NOL4L: variants seen among roughly 807,000 people sequenced by gnomAD.
NOL4L encodes nucleolar protein 4-like.
NOL4L carries 7 observed loss-of-function variants against 64.5 expected under a neutral mutation model. The ratio of observed to expected loss-of-function variants is 0.11; its 90% confidence interval spans 0.06 to 0.20. The LOEUF is 0.20. Ranked by LOEUF, NOL4L falls within the 10% of genes least tolerant of loss-of-function variation. The pLI is 1.00. For missense variants in NOL4L, 680 were observed against 967.1 expected, an observed-to-expected ratio of 0.70 and a Z score of 3.94; for synonymous variants, 413 against 401.0, an observed-to-expected ratio of 1.03 and a Z score of -0.36.
chr20:32,462,501 A>C (rs1282931864), intron 5 of NOL4L, among the ~76,000 whole-genome samples: 2 of 152,040 alleles, frequency 1.3e-5, no homozygotes, highest in Non-Finnish European at 2.9e-5. Flanking sequence ...CCCTCACTGC[A>C]CCTGGCCAGG....
chr20:32,503,526 A>T (rs1272972899), intron 4 of NOL4L, among the ~76,000 whole-genome samples: 1 of 152,230 alleles, frequency 6.6e-6, no homozygotes, highest in Non-Finnish European at 1.5e-5. Flanking sequence ...CAGCCAAAGC[A>T]GCAGACCCCA....
At chr20:32,549,975 A>G (rs1227186027) in intron 1 of NOL4L, among the ~76,000 whole-genome samples, 1 of 152,258 alleles carries the variant, frequency 6.6e-6, no homozygotes, top group East Asian at 1.9e-4. Flanking sequence ...TCATAGCAAC[A>G]TGATTCAAAA....
intron 5 of NOL4L, chr20:32,465,102 C>A: frequency 1.8e-6 from 1 of 549,992 alleles, no homozygotes; most frequent in Non-Finnish European, 3.3e-6. Flanking sequence ...GGACAGGTGG[C>A]TCAAGCGGTG....
chr20:32,498,808 G>A (rs1029189307), intron 4 of NOL4L, among the ~76,000 whole-genome samples: 7 of 149,922 alleles, frequency 4.7e-5, no homozygotes, highest in African/African-American at 1.7e-4. Flanking sequence ...ATTTTCTTTG[G>A]GAGGCCCAGA....
chr20:32,456,537 GC>G, intron 5 of NOL4L, 142 bp from the exon 6 acceptor site: 2 of 824,058 alleles, frequency 2.4e-6, no homozygotes, highest in Non-Finnish European at 3.4e-6. Context: ...GAGGCAATTT[GC>G]CCCAGCCCAC....
At chr20:32,522,088 C>T (rs1322679283) in intron 2 of NOL4L, among the ~76,000 whole-genome samples, 1 of 152,014 alleles carries the variant, frequency 6.6e-6, no homozygotes, top group East Asian at 1.9e-4. Flanking sequence ...TGGGCTAGGG[C>T]GGGGCTGGGG....
Position 32,526,502 on chromosome 20 carries a change from T to TAAA in NOL4L, c.477+1253_477+1255dup, listed in dbSNP as rs1173126909. 8.6e-4 allele frequency among the ~76,000 whole-genome samples: 109 copies of TAAA among 127,178 alleles called. 1 individual carries two copies. Among genetic ancestry groups the TAAA allele is most frequent in the Non-Finnish European group, 1.4e-3 (80 of 58,330 alleles). The allele number at this position is 127,178 out of a possible 152,430, so 83.4% of individuals were successfully genotyped here. On this transcript the variant is annotated intron_variant, in intron 2 of 10. Coordinates refer to ENST00000621426, the MANE Select transcript of NOL4L (RefSeq NM_001256798.2). ...ACAAGGACTAACCGGATGGTTGCAT[T>TAAA]AAAAAAAAAAAAAAAAAGATGGGCC...
intron 1 of NOL4L, among the ~76,000 whole-genome samples, chr20:32,528,617 C>T (rs1317827383): frequency 3.9e-5 from 6 of 152,106 alleles, no homozygotes; most frequent in South Asian, 2.1e-4. Context: ...AGGAGCAAGA[C>T]GGGTCCTTCA....
chr20:32,543,875 T>A (rs1450605251), intron 1 of NOL4L, among the ~76,000 whole-genome samples: 2 of 150,440 alleles, frequency 1.3e-5, no homozygotes, highest in East Asian at 3.9e-4. Context: ...CCTGAATGAG[T>A]GATTTGTGCC....
intron 4 of NOL4L, among the ~76,000 whole-genome samples, chr20:32,476,156 C>G (rs2015378554): frequency 6.6e-6 from 1 of 151,218 alleles, no homozygotes; most frequent in Non-Finnish European, 1.5e-5. Flanking sequence ...GCACCTCCAC[C>G]CACAGCCCTC....
At chr20:32,500,960 C>T (rs1004598308) in intron 4 of NOL4L, among the ~76,000 whole-genome samples, 1 of 152,152 alleles carries the variant, frequency 6.6e-6, no homozygotes, top group East Asian at 1.9e-4. Flanking sequence ...AAACAAATCT[C>T]CTATGCATAA....
At chr20:32,524,031 C>A (rs2018039807) in intron 2 of NOL4L, among the ~76,000 whole-genome samples, 1 of 152,192 alleles carries the variant, frequency 6.6e-6, no homozygotes, top group Admixed American at 6.5e-5. Context: ...CTGGCCCCAA[C>A]TCCAAAGTGG....
At chr20:32,541,591 G>T (rs2018656547) in intron 1 of NOL4L, among the ~76,000 whole-genome samples, 1 of 152,208 alleles carries the variant, frequency 6.6e-6, no homozygotes, top group Non-Finnish European at 1.5e-5. Context: ...TGGCGGTGCA[G>T]GGTCCATCGG....
intron 3 of NOL4L, among the ~76,000 whole-genome samples, chr20:32,516,268 C>T (rs893107732): frequency 6.6e-6 from 1 of 151,676 alleles, no homozygotes; most frequent in Non-Finnish European, 1.5e-5. Flanking sequence ...AGGCCTGAGA[C>T]CAGCTCAAAA....
At chr20:32,510,147 T>G in intron 4 of NOL4L, 4 of 375,736 alleles carry the variant, frequency 1.1e-5, no homozygotes, top group Non-Finnish European at 2.1e-5. Flanking sequence ...TTTGTGATGA[T>G]GTGAAGTTTT....
chr20:32,487,523 A>T (rs2016142445), intron 4 of NOL4L, among the ~76,000 whole-genome samples: 1 of 152,022 alleles, frequency 6.6e-6, no homozygotes, highest in South Asian at 2.1e-4. Flanking sequence ...ACTGTCTTCC[A>T]GGCAGAGGGA....
chr20:32,580,962 C>T (rs887795777), intron 1 of NOL4L, among the ~76,000 whole-genome samples: 6 of 152,228 alleles, frequency 3.9e-5, no homozygotes, highest in South Asian at 4.1e-4. Context: ...TGGCCAATGC[C>T]GGAACGGAAT....
At chr20:32,475,489 C>T (rs2015330799) in intron 4 of NOL4L, 1 of 277,222 alleles carries the variant, frequency 3.6e-6, no homozygotes, top group Non-Finnish European at 5.5e-6. Flanking sequence ...CCTGCCTCCT[C>T]TCTCCTCGCT....
chr20:32,529,479 T>C (rs1242195778), intron 1 of NOL4L, among the ~76,000 whole-genome samples: 1 of 152,132 alleles, frequency 6.6e-6, no homozygotes, highest in East Asian at 1.9e-4. Context: ...GTAGTCCAAG[T>C]AGAATACAGG....
Sources: allele counts gnomAD v4.1 joint callset (sites outside exome capture counted in the v4.1 genomes callset), GRCh38; gene constraint gnomAD v4.1.1; transcripts MANE v1.5; gene names NCBI Gene and HGNC (gene_info 2026-07-23, HGNC 2026-07-21).